LHPP: variants seen among roughly 807,000 people sequenced by gnomAD.
LHPP encodes hLHPP.
Under a neutral mutation model 30.3 loss-of-function variants are expected in LHPP, and 24 were observed. That is an observed-to-expected ratio of 0.79 (90% CI 0.57 to 1.11). The LOEUF (loss-of-function observed/expected upper bound fraction) is 1.11, where lower values mean the gene tolerates loss of function less well. Among genes scored for constraint, LHPP ranks in the 50% most tolerant of loss-of-function variants. The probability of loss-of-function intolerance (pLI) is 0.00; values close to 1 mark genes in which losing one functional copy is unlikely to be tolerated. For synonymous variants in LHPP, 150 were observed against 157.1 expected (o/e 0.95, Z 0.34); for missense variants, 356 against 367.2 (o/e 0.97, Z 0.25).
intron 6 of LHPP, among the ~76,000 whole-genome samples, chr10:124,587,393 T>A (rs1166337095): frequency 6.6e-6 from 1 of 151,888 alleles, no homozygotes; most frequent in Non-Finnish European, 1.5e-5. Context: ...GGAAGCCATG[T>A]CCCCTCCACT....
intron 6 of LHPP, among the ~76,000 whole-genome samples, chr10:124,558,650 AACCCCCCATGGC>A (rs1361197695): frequency 2.0e-5 from 3 of 152,286 alleles, no homozygotes; most frequent in African/African-American, 7.2e-5. Flanking sequence ...CATGCTACCC[AACCCCCCATGGC>A]ACCCCCAATG....
At chr10:124,482,667 C>A (rs186687872) in intron 1 of LHPP, among the ~76,000 whole-genome samples, 1 of 152,006 alleles carries the variant, frequency 6.6e-6, no homozygotes, top group East Asian at 1.9e-4. Flanking sequence ...TCCTCTAGCA[C>A]GCTCGGGTCC....
intron 5 of LHPP, among the ~76,000 whole-genome samples, chr10:124,500,510 TA>T (rs1165078627): frequency 1.3e-5 from 2 of 151,984 alleles, no homozygotes; most frequent in Admixed American, 6.5e-5. Context: ...TAAATTTACT[TA>T]TTTTTTTGCT....
At chr10:124,464,325 G>T (rs551784895) in intron 1 of LHPP, among the ~76,000 whole-genome samples, 2 of 152,272 alleles carry the variant, frequency 1.3e-5, no homozygotes, top group Non-Finnish European at 1.5e-5. Context: ...TCTGTAGGTG[G>T]CAATTAACTG....
chr10:124,526,605 G>A (rs1033489501), intron 6 of LHPP, among the ~76,000 whole-genome samples: 3 of 149,318 alleles, frequency 2.0e-5, no homozygotes, highest in Admixed American at 1.3e-4. Flanking sequence ...GTCAGCTCCC[G>A]CCCTCCCCCG....
chr10:124,498,498 C>T, intron 5 of LHPP: 1 of 1,448,904 alleles, frequency 6.9e-7, no homozygotes, highest in South Asian at 1.5e-5. Flanking sequence ...AATAAAGTCA[C>T]TCATTTTGCG....
chr10:124,508,134 G>C (rs1053487228), intron 5 of LHPP, among the ~76,000 whole-genome samples: 1 of 152,032 alleles, frequency 6.6e-6, no homozygotes, highest in Non-Finnish European at 1.5e-5. Flanking sequence ...TGGTGAGTGG[G>C]GAGTACATGT....
At chr10:124,480,524 T>A (rs2133839663) in intron 1 of LHPP, among the ~76,000 whole-genome samples, 1 of 152,302 alleles carries the variant, frequency 6.6e-6, no homozygotes, top group Middle Eastern at 3.4e-3. Flanking sequence ...TCATCATTCA[T>A]TAGCAATAAT....
chr10:124,534,693 C>T (rs1469159738), intron 6 of LHPP, among the ~76,000 whole-genome samples: 1 of 152,188 alleles, frequency 6.6e-6, no homozygotes, highest in Non-Finnish European at 1.5e-5. Context: ...CCTTCCCGCC[C>T]GGTGCCTGGC....
chr10:124,573,006 A>G (rs912368680), intron 6 of LHPP, among the ~76,000 whole-genome samples: 8 of 152,252 alleles, frequency 5.3e-5, no homozygotes, highest in Non-Finnish European at 7.3e-5. Flanking sequence ...CTCGCGTTCA[A>G]CTGCGTGGTG....
chr10:124,538,218 GC>G (rs66497940), intron 6 of LHPP, among the ~76,000 whole-genome samples: 2 of 78,918 alleles, frequency 2.5e-5, no homozygotes, highest in Non-Finnish European at 5.3e-5. Flanking sequence ...ACCATGCGGG[GC>G]TCACCATGTG....
chr10:124,532,427 G>T (rs141298038), intron 6 of LHPP, among the ~76,000 whole-genome samples: 8 of 152,220 alleles, frequency 5.3e-5, no homozygotes, highest in African/African-American at 1.9e-4. Context: ...CCAAAAGCCC[G>T]AGCTCACAGC....
At chr10:124,545,730 C>T (rs144576852) in intron 6 of LHPP, among the ~76,000 whole-genome samples, 168 of 152,274 alleles carry the variant, frequency 1.1e-3, no homozygotes, top group African/African-American at 3.8e-3. Context: ...TAAAATGTGT[C>T]TCCTGTGGTT....
chr10:124,603,752 A>G (rs1949057630), intron 6 of LHPP, among the ~76,000 whole-genome samples: 1 of 151,990 alleles, frequency 6.6e-6, no homozygotes, highest in East Asian at 1.9e-4. Flanking sequence ...AGCTGGCTTC[A>G]ATGGCAGGAG....
At chr10:124,546,776 T>C (rs1194922288) in intron 6 of LHPP, among the ~76,000 whole-genome samples, 4 of 152,186 alleles carry the variant, frequency 2.6e-5, no homozygotes, top group Non-Finnish European at 5.9e-5. Flanking sequence ...TCATCATCCG[T>C]GCTCCCCACC....
intron 6 of LHPP, among the ~76,000 whole-genome samples, chr10:124,548,388 C>A (rs1319070771): frequency 6.6e-6 from 1 of 152,182 alleles, no homozygotes; most frequent in African/African-American, 2.4e-5. Context: ...CCACCATAGC[C>A]AGTAGAGGGA....
chr10:124,487,878 G>T (rs960878985), intron 2 of LHPP, among the ~76,000 whole-genome samples: 1 of 152,176 alleles, frequency 6.6e-6, no homozygotes, highest in African/African-American at 2.4e-5. Context: ...ATTTAAAATG[G>T]GGGAAGACAA....
intron 1 of LHPP, among the ~76,000 whole-genome samples, chr10:124,464,250 C>A (rs547606995): frequency 6.6e-6 from 1 of 152,308 alleles, no homozygotes; most frequent in African/African-American, 2.4e-5. Context: ...GACTTGGCCT[C>A]CCGGAGTCAC....
intron 6 of LHPP, among the ~76,000 whole-genome samples, chr10:124,545,278 G>A (rs546093764): frequency 3.5e-4 from 53 of 152,376 alleles, no homozygotes; most frequent in Non-Finnish European, 5.3e-4. Context: ...AAGTGGGGGT[G>A]TAGTATTGTG....
Sources: gnomAD v4.1 joint callset for allele counts (sites outside exome capture counted in the v4.1 genomes callset) on GRCh38, gnomAD v4.1.1 for gene constraint, MANE v1.5 for transcripts, NCBI Gene and HGNC (gene_info 2026-07-23, HGNC 2026-07-21) for gene names.